COL11A1: variants seen among roughly 807,000 people sequenced by gnomAD.
COL11A1 encodes collagen alpha-1(XI) chain.
Under a neutral mutation model 265.2 loss-of-function variants are expected in COL11A1, and 74 were observed. That is an observed-to-expected ratio of 0.28 (90% CI 0.23 to 0.34). COL11A1 has a LOEUF of 0.34. COL11A1 is among the 10% of genes least tolerant of loss of function. The pLI is 1.00. For synonymous variants in COL11A1, 816 were observed against 727.6 expected (o/e 1.12, Z -1.96); for missense variants, 2,165 against 2,263.6 (o/e 0.96, Z 0.88).
chr1:103,019,186 T>G (rs2101921991), intron 9 of COL11A1, among the ~76,000 whole-genome samples: 1 of 152,320 alleles, frequency 6.6e-6, no homozygotes, highest in Admixed American at 6.5e-5. Flanking sequence ...TTTTTGTTTT[T>G]CGTTTGTTTG....
chr1:103,027,423 A>T lies in COL11A1; in HGVS notation c.781-1091T>A, dbSNP rs1667622721. ...TATATATATATATATATATATATAT[A>T]TATATATATATATATATATATGCAT... On this transcript the variant is annotated intron_variant, in intron 5 of 66. Transcript: ENST00000370096. 6.2e-5 allele frequency among the ~76,000 whole-genome samples: 8 copies of T among 128,098 alleles called. No individual in the cohort carries two copies. In the South Asian group the frequency reaches 1.6e-3, roughly 26 times the overall value. The allele number at this position is 128,098 out of a possible 152,430, so 84.0% of individuals were successfully genotyped here.
Position 102,965,496 on chromosome 1 carries a change from A to G in COL11A1, c.2907T>C (p.Val969=), listed in dbSNP as rs1299106576. 2 of 1,613,708 alleles carry G rather than the reference A, an allele frequency of 1.2e-6. No homozygotes were observed. Among genetic ancestry groups the G allele is most frequent in the African/African-American group, 1.3e-5 (1 of 75,060 alleles). The change falls in exon 38 of 67, where the codon GTT becomes GTC. Residue 969 remains valine (V), a synonymous_variant. Transcript: ENST00000370096. Reference sequence around the variant, plus strand: ...AAGCAAAGGAACATACCTGTGGTCCAACCACTCCCCCTGGCCCAGGAGGGC... The same window carrying G: ...AAGCAAAGGAACATACCTGTGGTCCGACCACTCCCCCTGGCCCAGGAGGGC... ...KTGPPGPGGV[V]GPQGPTGETG... is the part of the protein sequence containing the mutation.
At chr1:102,983,557 C>G (rs937291985) in intron 31 of COL11A1, among the ~76,000 whole-genome samples, 2 of 151,964 alleles carry the variant, frequency 1.3e-5, no homozygotes, top group African/African-American at 4.8e-5. Flanking sequence ...CTGGGGCCAC[C>G]AGAAGCTGGG....
At chr1:102,888,556 C>A in intron 62 of COL11A1, 21 bp downstream of exon 62, 1 of 1,607,170 alleles carries the variant, frequency 6.2e-7, no homozygotes, top group Non-Finnish European at 8.5e-7. Flanking sequence ...CAGAACATCA[C>A]TCTTGTTAAC....
In COL11A1 at chr1:102,965,577, C is replaced by A. The variant is rs767185840; in HGVS notation, c.2863-37G>T. On this transcript the variant is annotated intron_variant, in intron 37 of 66. Transcript: ENST00000370096. ...AAGTATTATTTGTAAAAGCTACATA[C>A]AACACAAAGCATAAATCAAAATTCT... 5 of 1,557,196 alleles carry A rather than the reference C, an allele frequency of 3.2e-6. No homozygotes were observed. The East Asian group carries it at 1.1e-4, about 35-fold the overall frequency.
chr1:102,994,925 T>C (rs1664481056), intron 28 of COL11A1, among the ~76,000 whole-genome samples: 1 of 152,012 alleles, frequency 6.6e-6, no homozygotes, highest in South Asian at 2.1e-4. Flanking sequence ...AAGTACCTTC[T>C]TTACAAGGTG....
intron 54 of COL11A1, among the ~76,000 whole-genome samples, chr1:102,906,714 T>TTTTTTC (rs536123046): frequency 6.6e-6 from 1 of 152,154 alleles, no homozygotes; most frequent in South Asian, 2.1e-4. Flanking sequence ...TTTCCATTTT[T>TTTTTTC]TTTTTCTTTT....
Position 102,995,975 on chromosome 1 carries a change from C to T in COL11A1, c.2295+14G>A. The T allele has an allele frequency of 6.2e-7, 1 of 1,613,208 alleles. No homozygotes were observed. Among genetic ancestry groups the T allele is most frequent in the Non-Finnish European group, 8.5e-7 (1 of 1,179,534 alleles). On this transcript the variant is annotated intron_variant, in intron 27 of 66. Transcript: ENST00000370096. Reference sequence around the variant, plus strand: ...ACTTTGAAAGTAAATAATGTGAAAACAATTTAACGTTACCTTTACTCCCCG... The same window carrying T: ...ACTTTGAAAGTAAATAATGTGAAAATAATTTAACGTTACCTTTACTCCCCG...
chr1:103,075,510 C>T (rs1671905381), intron 3 of COL11A1, among the ~76,000 whole-genome samples: 1 of 152,186 alleles, frequency 6.6e-6, no homozygotes, highest in South Asian at 2.1e-4. Context: ...AGCTACTGCT[C>T]CAGCTAATTT....
At chr1:103,011,683 G>T (rs911282850) in intron 14 of COL11A1, among the ~76,000 whole-genome samples, 1 of 151,538 alleles carries the variant, frequency 6.6e-6, no homozygotes, top group Non-Finnish European at 1.5e-5. Flanking sequence ...AGAATAATAC[G>T]TTCTGTAAAT....
intron 26 of COL11A1, among the ~76,000 whole-genome samples, chr1:102,996,626 C>A (rs1043943748): frequency 6.6e-6 from 1 of 151,808 alleles, no homozygotes; most frequent in Non-Finnish European, 1.5e-5. Flanking sequence ...AATGATCCTA[C>A]CCCTGCTACT....
chr1:102,903,947 C>T (rs865955101), intron 54 of COL11A1, among the ~76,000 whole-genome samples: 4 of 152,274 alleles, frequency 2.6e-5, no homozygotes, highest in Non-Finnish European at 5.9e-5. Flanking sequence ...ACTGCAGCCT[C>T]GAACTCCTGG....
chr1:103,070,760 T>G, intron 4 of COL11A1, among the ~76,000 whole-genome samples: 1 of 151,986 alleles, frequency 6.6e-6, no homozygotes, highest in East Asian at 1.9e-4. Flanking sequence ...TAAATGCATC[T>G]AGACTGGGTA....
Position 103,022,909 on chromosome 1 carries a change from A to G in COL11A1, c.1078T>C (p.Tyr360His). Residue 360 changes from tyrosine (Y) to histidine (H), a missense_variant, in exon 8 of 67, where the codon TAT becomes CAT. Transcript: ENST00000370096. Reference sequence around the variant, plus strand: ...CTGCCGTCTATTTCTTTGTTTTCATATAGTGTATCCTCAGAATTTTTCCTC... The same window carrying G: ...CTGCCGTCTATTTCTTTGTTTTCATGTAGTGTATCCTCAGAATTTTTCCTC... ...SQRKNSEDTL[Y>H]ENKEIDGRDS... 1 of 1,613,798 alleles carries G rather than the reference A, an allele frequency of 6.2e-7. No homozygotes were observed. Among genetic ancestry groups the G allele is most frequent in the Non-Finnish European group, 8.5e-7 (1 of 1,179,878 alleles).
intron 2 of COL11A1, among the ~76,000 whole-genome samples, chr1:103,080,913 A>G (rs1195388585): frequency 6.6e-6 from 1 of 151,886 alleles, no homozygotes; most frequent in Non-Finnish European, 1.5e-5. Context: ...AAATGACATC[A>G]GGATGTTGAA....
chr1:102,933,441 C>T lies in COL11A1; in HGVS notation c.3600+1008G>A, dbSNP rs1657749777. Among the ~76,000 whole-genome samples the T allele has an allele frequency of 2.6e-5, 4 of 151,172 alleles. No individual in the cohort carries two copies. In the South Asian group the frequency reaches 8.5e-4, roughly 32 times the overall value. ...TCAGGGACCCACTTGAGGAGGCAGTCTGCCTGTTCTCAGATCTCCAGCTGC... is the reference window on the plus strand; with the variant it reads ...TCAGGGACCCACTTGAGGAGGCAGTTTGCCTGTTCTCAGATCTCCAGCTGC... On this transcript the variant is annotated intron_variant, in intron 46 of 66. Coordinates refer to ENST00000370096, the MANE Select transcript of COL11A1 (RefSeq NM_001854.4).
At chr1:103,058,783 T>C (rs1670431911) in intron 4 of COL11A1, among the ~76,000 whole-genome samples, 1 of 152,184 alleles carries the variant, frequency 6.6e-6, no homozygotes, top group South Asian at 2.1e-4. Flanking sequence ...TCTTATTGTG[T>C]ACATTATTAT....
At chr1:103,009,575 A>G (rs1258815450) in intron 14 of COL11A1, among the ~76,000 whole-genome samples, 2 of 152,222 alleles carry the variant, frequency 1.3e-5, no homozygotes, top group Non-Finnish European at 2.9e-5. Context: ...CTTTCAGAAC[A>G]TTAAAAATAA....
chr1:103,076,028 G>T (rs1671947482), intron 3 of COL11A1, among the ~76,000 whole-genome samples: 1 of 151,964 alleles, frequency 6.6e-6, no homozygotes, highest in Non-Finnish European at 1.5e-5. Context: ...TTCATTAACA[G>T]AAAATAAAAA....
Sources: gnomAD v4.1 joint callset for allele counts (sites outside exome capture counted in the v4.1 genomes callset) on GRCh38, gnomAD v4.1.1 for gene constraint, MANE v1.5 for transcripts, NCBI Gene and HGNC (gene_info 2026-07-23, HGNC 2026-07-21) for gene names.